Variants in MTMR6 observed in about 807,000 individuals in gnomAD.
MTMR6 encodes phosphatidylinositol-3,5-bisphosphate 3-phosphatase MTMR6.
MTMR6 carries 47 observed loss-of-function variants against 80.1 expected under a neutral mutation model. The observed-to-expected ratio is 0.59, with a 90% CI of 0.46 to 0.75. The LOEUF (loss-of-function observed/expected upper bound fraction) is 0.75. Ranked by LOEUF, MTMR6 falls within the 30% of genes least tolerant of loss-of-function variation. The pLI, the probability that MTMR6 is intolerant of heterozygous loss-of-function variation, is 0.00. For synonymous variants in MTMR6, 254 were observed against 253.0 expected, an observed-to-expected ratio of 1.00 and a Z score of -0.04; for missense variants, 629 against 730.9, an observed-to-expected ratio of 0.86 and a Z score of 1.61.
At chr13:25,271,163 C>T (rs150687621) in intron 2 of MTMR6, among the ~76,000 whole-genome samples, 1 of 152,174 alleles carries the variant, frequency 6.6e-6, no homozygotes, top group East Asian at 1.9e-4. Context: ...CTAGGATCTA[C>T]ATTCTCTGCC....
At chr13:25,270,924 T>C (rs1957559505) in intron 2 of MTMR6, among the ~76,000 whole-genome samples, 1 of 152,192 alleles carries the variant, frequency 6.6e-6, no homozygotes, top group Non-Finnish European at 1.5e-5. Flanking sequence ...AGAAAAATAG[T>C]ATGAGCAGCT....
At chr13:25,274,291 A>G (rs1306385263) in intron 1 of MTMR6, 104 bp from the exon 2 acceptor site, 3 of 651,258 alleles carry the variant, frequency 4.6e-6, no homozygotes, top group African/African-American at 1.8e-5. Context: ...TCTTCCTCCT[A>G]AAATCATAAG....
intron 5 of MTMR6, 131 bp downstream of exon 5, chr13:25,265,688 T>C (rs1384880712): frequency 9.1e-6 from 9 of 994,294 alleles, no homozygotes; most frequent in African/African-American, 8.2e-5. Context: ...GCCAAGATGG[T>C]GCCACTGCAC....
At position 25,246,868 on chromosome 13, in the gene MTMR6, G is replaced by A. The variant is rs1478769284; in HGVS notation, c.*2364C>T. On this transcript the variant is annotated 3_prime_UTR_variant, in exon 14 of 14. Coordinates refer to ENST00000381801, the MANE Select transcript of MTMR6 (RefSeq NM_004685.5). Reference sequence around the variant, plus strand: ...CCTCAATAAAATTATCCTCTTGTCAGCCAGTTATTTTCTTCCTCATATTTA... The same window carrying A: ...CCTCAATAAAATTATCCTCTTGTCAACCAGTTATTTTCTTCCTCATATTTA... The A allele has an allele frequency of 6.6e-6, 1 of 152,200 alleles. No individual in the cohort carries two copies. Among genetic ancestry groups the A allele is most frequent in the East Asian group, 1.9e-4 (1 of 5,178 alleles). 9.4% of individuals were successfully genotyped at this position (152,200 alleles called of 1,614,324 possible).
At chr13:25,257,677 A>G (rs1957244367) in intron 8 of MTMR6, 59 bp downstream of exon 8, 1 of 1,262,026 alleles carries the variant, frequency 7.9e-7, no homozygotes, top group Non-Finnish European at 1.1e-6. Context: ...AACAGAATAC[A>G]TCTACTCCTT....
intron 11 of MTMR6, among the ~76,000 whole-genome samples, chr13:25,252,352 T>C (rs1309707358): frequency 1.3e-5 from 2 of 152,260 alleles, no homozygotes; most frequent in African/African-American, 4.8e-5. Flanking sequence ...CTGTCTGGCC[T>C]TCTCTTAACC....
chr13:25,251,576 A>C lies in MTMR6; in HGVS notation c.1605+73T>G. ...AGAAGTTTATGTGCTGATTTACACC[A>C]ACAATACAAATATTAGTCTAATCGT... On this transcript the variant is annotated intron_variant, in intron 13 of 13. Coordinates refer to ENST00000381801, the MANE Select transcript of MTMR6 (RefSeq NM_004685.5). The surrounding 1 kb of genome is among the most constrained non-coding windows in gnomAD (Gnocchi z 4.1). The C allele has an allele frequency of 2.0e-5, 26 of 1,303,210 alleles. 2 individuals are homozygous for C. The South Asian group carries it at 3.6e-4, about 18-fold the overall frequency. The allele number at this position is 1,303,210 out of a possible 1,614,324, so 80.7% of individuals were successfully genotyped here.
chr13:25,256,635 CA>C (rs918187846), intron 9 of MTMR6, among the ~76,000 whole-genome samples: 6 of 150,960 alleles, frequency 4.0e-5, no homozygotes, highest in African/African-American at 1.2e-4. Context: ...AGCAAAGAAA[CA>C]AAAAAAAGGA....
At chr13:25,286,940 G>C (rs985859363) in intron 1 of MTMR6, among the ~76,000 whole-genome samples, 1 of 152,216 alleles carries the variant, frequency 6.6e-6, no homozygotes, top group Non-Finnish European at 1.5e-5. Flanking sequence ...AGAAAACGTA[G>C]AGCTAGGAGG....
At chr13:25,265,127 C>G (rs750236937) in intron 5 of MTMR6, among the ~76,000 whole-genome samples, 5 of 152,106 alleles carry the variant, frequency 3.3e-5, no homozygotes, top group Non-Finnish European at 5.9e-5. Context: ...GTTGCAAAAT[C>G]CTTTTGATTT....
rs1481299412 is a variant in MTMR6 at position 25,247,688 on chromosome 13, G to C, written c.*1544C>G. The C allele has an allele frequency of 6.6e-6, 1 of 152,044 alleles. No individual in the cohort carries two copies. 9.4% of individuals were successfully genotyped at this position (152,044 alleles called of 1,614,324 possible). On this transcript the variant is annotated 3_prime_UTR_variant, in exon 14 of 14. Transcript: ENST00000381801. ...TGCATTTCTGTTGCTGTTTAAAAAG[G>C]AATATTTTTTAAATTACATAATGTA...
In MTMR6 at chr13:25,287,289, C is replaced by A; in HGVS notation, c.-42G>T. 1 of 1,574,770 alleles carries A rather than the reference C, an allele frequency of 6.4e-7. No homozygotes were observed. The highest frequency in any genetic ancestry group is 2.4e-5 in the East Asian group (1 of 42,438). On this transcript the variant is annotated 5_prime_UTR_variant, in exon 1 of 14. It removes an upstream start codon present in the reference 5' UTR. Transcript: ENST00000381801. The stretch of plus-strand genomic sequence containing the variant: ...CCGGCAGCCGGTCTCACAGGCGTAC[C>A]ATACGGCTACAGAAACAGGGCGGTG...
intron 2 of MTMR6, among the ~76,000 whole-genome samples, chr13:25,269,762 A>C (rs1226115429): frequency 6.6e-6 from 1 of 152,126 alleles, no homozygotes; most frequent in Non-Finnish European, 1.5e-5. Context: ...AGCTTGAAAA[A>C]CAATGAGAGA....
intron 3 of MTMR6, 152 bp downstream of exon 3, chr13:25,267,627 A>T: frequency 1.5e-6 from 1 of 677,544 alleles, no homozygotes; most frequent in Non-Finnish European, 2.4e-6. Flanking sequence ...GTTTCTAATT[A>T]CTTTCAGGCC....
intron 6 of MTMR6, 51 bp from the exon 7 acceptor site, chr13:25,258,743 C>T: frequency 7.0e-7 from 1 of 1,423,886 alleles, no homozygotes; most frequent in Non-Finnish European, 9.3e-7. Context: ...TTTTAATTTA[C>T]CAAAATGTCA....
At position 25,262,708 on chromosome 13, in the gene MTMR6, G is replaced by A. The variant is rs566683184; in HGVS notation, c.592-906C>T. On this transcript the variant is annotated intron_variant, in intron 5 of 13. Coordinates refer to ENST00000381801, the MANE Select transcript of MTMR6 (RefSeq NM_004685.5). Reference sequence around the variant, plus strand: ...CCTAAAAAAAGATTTAAAAGATTTAGATCCATATACTTTTTCTCCAATGGA... The same window carrying A: ...CCTAAAAAAAGATTTAAAAGATTTAAATCCATATACTTTTTCTCCAATGGA... Among the ~76,000 whole-genome samples the A allele has an allele frequency of 1.6e-4, 24 of 152,310 alleles. No individual in the cohort carries two copies. In the East Asian group the frequency reaches 4.2e-3, roughly 27 times the overall value.
At chr13:25,274,287 T>C in intron 1 of MTMR6, 100 bp from the exon 2 acceptor site, 1 of 666,852 alleles carries the variant, frequency 1.5e-6, no homozygotes, top group East Asian at 2.8e-5. Context: ...TTTTTCTTCC[T>C]CCTAAAATCA....
intron 6 of MTMR6, 133 bp downstream of exon 6, chr13:25,261,535 T>C: frequency 2.7e-6 from 2 of 739,350 alleles, no homozygotes; most frequent in Non-Finnish European, 3.9e-6. Context: ...TTGATTTCCT[T>C]AGTATCATTA....
chr13:25,285,570 T>A (rs1482661477), intron 1 of MTMR6, among the ~76,000 whole-genome samples: 1 of 151,582 alleles, frequency 6.6e-6, no homozygotes, highest in Non-Finnish European at 1.5e-5. Context: ...AGTCCCGCTC[T>A]ATTGCCCAGG....
Sources: allele counts gnomAD v4.1 joint callset (sites outside exome capture counted in the v4.1 genomes callset), GRCh38; gene constraint gnomAD v4.1.1; non-coding constraint Gnocchi (gnomAD v3.1); transcripts MANE v1.5; gene names NCBI Gene and HGNC (gene_info 2026-07-23, HGNC 2026-07-21).